CA11: variants seen among roughly 807,000 people sequenced by gnomAD.
CA11 encodes carbonic anhydrase-related protein 11.
Under a neutral mutation model 39.3 loss-of-function variants are expected in CA11, and 20 were observed. The ratio of observed to expected loss-of-function variants is 0.51; its 90% confidence interval spans 0.36 to 0.74. The LOEUF is 0.74. CA11 is among the 30% of genes least tolerant of loss of function. The pLI is 0.00. For missense variants in CA11, 336 were observed against 424.6 expected (o/e 0.79, Z 1.83); for synonymous variants, 166 against 172.5 (o/e 0.96, Z 0.29).
At position 48,639,474 on chromosome 19, in the gene CA11, G is replaced by A. The variant is rs1379566214; in HGVS notation, c.641-15C>T. ...GTAGGCATCATCTGCGGGAATATCAGGCCAGAGTAAAGAGGGATGGCACTC... is the reference window on the plus strand; with the variant it reads ...GTAGGCATCATCTGCGGGAATATCAAGCCAGAGTAAAGAGGGATGGCACTC... On this transcript the variant is annotated splice_polypyrimidine_tract_variant and intron_variant, in intron 6 of 8. Coordinates refer to ENST00000084798, the MANE Select transcript of CA11 (RefSeq NM_001217.5). 18 of 1,613,988 alleles carry A rather than the reference G, an allele frequency of 1.1e-5. No homozygotes were observed. The highest frequency in any genetic ancestry group is 2.2e-5 in the South Asian group (2 of 91,084).
At chr19:48,638,258 G>C (rs1568441970) in intron 8 of CA11, 114 bp from the exon 9 acceptor site, 11 of 1,191,308 alleles carry the variant, frequency 9.2e-6, no homozygotes, top group African/African-American at 3.2e-5. Context: ...GTCTGCGAGC[G>C]GGGAACCAGA....
In CA11 at chr19:48,640,275, C is replaced by T. The variant is rs1339143948; in HGVS notation, c.291G>A (p.Arg97=). 6.2e-7 allele frequency: 1 copy of T among 1,613,428 alleles called. No homozygotes were observed. The highest frequency in any genetic ancestry group is 1.7e-5 in the Admixed American group (1 of 59,958). ...GTCGGCCGGTGTTGTACAAGGTTCC[C>T]CGGAGCTGTGGGAGAGGCGGGAGCT... ...LRLSTGGEKL[R]GTLYNTGRHV... The change falls in exon 4 of 9, where the codon CGG becomes CGA. Residue 97 remains arginine, a synonymous_variant. Transcript: ENST00000084798.
rs766615668 is a variant in CA11, at chr19:48,645,635, C to G, written c.-3G>C. 15 of 1,579,174 alleles carry G rather than the reference C, an allele frequency of 9.5e-6. No individual in the cohort carries two copies. Among genetic ancestry groups the G allele is most frequent in the Non-Finnish European group, 1.3e-5 (15 of 1,163,752 alleles). Reference sequence around the variant, plus strand: ...CTCAGACGAGCTGCAGCCCCCATCCCCAGGAGGCCTCCGAGGGACCCCTGC... The same window carrying G: ...CTCAGACGAGCTGCAGCCCCCATCCGCAGGAGGCCTCCGAGGGACCCCTGC... On this transcript the variant is annotated 5_prime_UTR_variant, in exon 1 of 9. Transcript: ENST00000084798.
At chr19:48,638,750 A>G (rs1191431940) in intron 8 of CA11, 138 bp downstream of exon 8, 1 of 949,464 alleles carries the variant, frequency 1.1e-6, no homozygotes, top group East Asian at 2.7e-5. Flanking sequence ...AGGGAAAGAG[A>G]GAAAAAGAGA....
intron 8 of CA11, among the ~76,000 whole-genome samples, chr19:48,638,652 C>T (rs1003526314): frequency 8.6e-5 from 13 of 151,934 alleles, no homozygotes; most frequent in African/African-American, 2.9e-4. Context: ...GGGTTATAGA[C>T]CAAGTTACAA....
chr19:48,644,653 G>A (rs2031192562), intron 2 of CA11, 84 bp from the exon 3 acceptor site: 3 of 1,202,416 alleles, frequency 2.5e-6, no homozygotes, highest in Non-Finnish European at 3.3e-6. Context: ...GTGGGCTGTG[G>A]TCTGGACTCC....
chr19:48,638,065 C>G lies in CA11; in HGVS notation c.*54G>C, dbSNP rs2030894951. The G allele has an allele frequency of 7.3e-7, 1 of 1,374,840 alleles. No individual in the cohort carries two copies. The highest frequency in any genetic ancestry group is 3.1e-5 in the Admixed American group (1 of 32,202). The allele number at this position is 1,374,840 out of a possible 1,614,324, so 85.2% of individuals were successfully genotyped here. A position where few individuals can be genotyped will look rare whatever the true frequency, so the allele number is the denominator to read the frequency against. On this transcript the variant is annotated 3_prime_UTR_variant, in exon 9 of 9. Transcript: ENST00000084798. ...ATAGCTTTGTTTTAGGGGTAACTCC[C>G]CTCGCCTTGTGGGGAGGCTTAGGAC...
chr19:48,643,370 C>T lies in CA11; in HGVS notation c.285+1057G>A, dbSNP rs1032555311. ...GATTACAGGCACATGCCACCACACC[C>T]GGCTAATTTTTGTATTTTTAGTAGA... On this transcript the variant is annotated intron_variant, in intron 3 of 8. Coordinates refer to ENST00000084798, the MANE Select transcript of CA11 (RefSeq NM_001217.5). This position sits in a 1 kb window ranked among gnomAD's most constrained non-coding sequence, Gnocchi z 4.3. 1.3e-5 allele frequency among the ~76,000 whole-genome samples: 2 copies of T among 152,100 alleles called. No homozygotes were observed. Among genetic ancestry groups the T allele is most frequent in the African/African-American group, 2.4e-5 (1 of 41,428 alleles).
At chr19:48,641,460 G>T (rs1461586421) in intron 3 of CA11, among the ~76,000 whole-genome samples, 1 of 152,058 alleles carries the variant, frequency 6.6e-6, no homozygotes, top group African/African-American at 2.4e-5. Context: ...AAAAGTCCTG[G>T]GCCTTATGGA....
intron 3 of CA11, 87 bp from the exon 4 acceptor site, chr19:48,640,367 CTT>C (rs11372081): frequency 0.066 from 20,460 of 309,014 alleles, no homozygotes; most frequent in Middle Eastern, 0.1. Flanking sequence ...TTCCAACAGT[CTT>C]TTTTTTTTTT....
At position 48,646,131 on chromosome 19, in the gene CA11, T is replaced by C; in HGVS notation, c.-499A>G. On this transcript the variant is annotated 5_prime_UTR_variant, in exon 1 of 9. Transcript: ENST00000084798. ...TCAGTGTCGGCCTCCAGCTTCGTGC[T>C]CTCCCCACCTCCTCCTCTCCTGCCT... 1 of 247,518 alleles carries C rather than the reference T, an allele frequency of 4.0e-6. No individual in the cohort carries two copies. The highest frequency in any genetic ancestry group is 1.5e-4 in the South Asian group (1 of 6,530). 15.3% of individuals were successfully genotyped at this position (247,518 alleles called of 1,614,324 possible). A position where few individuals can be genotyped will look rare whatever the true frequency, so the allele number is the denominator to read the frequency against.
chr19:48,640,330 C>T (rs763550470), intron 3 of CA11, 50 bp from the exon 4 acceptor site: 1 of 1,245,002 alleles, frequency 8.0e-7, no homozygotes, highest in East Asian at 2.5e-5. Flanking sequence ...TCTTTTATCT[C>T]TCGTTTCCCA....
In CA11 at chr19:48,643,630, C is replaced by CAA. The variant is rs1169751929; in HGVS notation, c.285+795_285+796dup. 2.3e-4 allele frequency among the ~76,000 whole-genome samples: 25 copies of CAA among 109,428 alleles called. No homozygotes were observed. Among genetic ancestry groups the CAA allele is most frequent in the South Asian group, 1.7e-3 (6 of 3,530 alleles). 71.8% of individuals were successfully genotyped at this position (109,428 alleles called of 152,430 possible). On this transcript the variant is annotated intron_variant, in intron 3 of 8. Coordinates refer to ENST00000084798, the MANE Select transcript of CA11 (RefSeq NM_001217.5). This position sits in a 1 kb window ranked among gnomAD's most constrained non-coding sequence, Gnocchi z 4.3. Reference sequence around the variant, plus strand: ...GGGTCACAGAGTGAGATCCCAATTCCAAAAAAAAAAAAAAAAAGTATGGTT... The same window carrying CAA: ...GGGTCACAGAGTGAGATCCCAATTCCAAAAAAAAAAAAAAAAAAAGTATGGTT...
chr19:48,638,252 G>C (rs2030910405), intron 8 of CA11, 108 bp from the exon 9 acceptor site: 1 of 1,196,104 alleles, frequency 8.4e-7, no homozygotes, highest in African/African-American at 1.6e-5. Flanking sequence ...TCGGAAGTCT[G>C]CGAGCGGGGA....
chr19:48,641,716 C>T (rs2147720324), intron 3 of CA11, among the ~76,000 whole-genome samples: 1 of 152,166 alleles, frequency 6.6e-6, no homozygotes, highest in Non-Finnish European at 1.5e-5. Context: ...GCCATCACAG[C>T]TCACTGCAGC....
chr19:48,638,432 TG>T, intron 8 of CA11: 1 of 999,846 alleles, frequency 1.0e-6, no homozygotes, highest in Non-Finnish European at 1.2e-6. Context: ...GTGAGATTCC[TG>T]GGCTAAACCA....
At chr19:48,639,094 A>G (rs2030969036) in intron 7 of CA11, 41 bp from the exon 8 acceptor site, 11 of 1,611,112 alleles carry the variant, frequency 6.8e-6, no homozygotes, top group Non-Finnish European at 9.3e-6. Context: ...GTGAATAGTG[A>G]ATGGTCTTGG....
At chr19:48,638,484 A>G in intron 8 of CA11, 1 of 424,440 alleles carries the variant, frequency 2.4e-6, no homozygotes, top group East Asian at 6.4e-5. Flanking sequence ...TACCTTGTAG[A>G]TTCTCAGTAA....
rs751490987 is a variant in CA11 at position 48,638,123 on chromosome 19, C to G, written c.983G>C (p.Arg328Pro). Residue 328 changes from arginine (R) to proline (P), a missense_variant, in exon 9 of 9, where the codon CGC (arginine) becomes CCC (proline). Coordinates refer to ENST00000084798, the MANE Select transcript of CA11 (RefSeq NM_001217.5). ...TGCAATCCTCGAAGGGGAGTCTCAG[C>G]GACCATGGGGGACACCATCCACTGT... Reference protein sequence around the residue: ...RLHVDGVPHGR With the variant: ...RLHVDGVPHGP 5.7e-5 allele frequency: 80 copies of G among 1,400,540 alleles called. No homozygotes were observed. The highest frequency in any genetic ancestry group is 3.8e-4 in the Middle Eastern group (2 of 5,258). The allele number at this position is 1,400,540 out of a possible 1,614,324, so 86.8% of individuals were successfully genotyped here. A position where few individuals can be genotyped will look rare whatever the true frequency, so the allele number is the denominator to read the frequency against.
Sources: allele counts gnomAD v4.1 joint callset (sites outside exome capture counted in the v4.1 genomes callset), GRCh38; gene constraint gnomAD v4.1.1; non-coding constraint Gnocchi (gnomAD v3.1); transcripts MANE v1.5; gene names NCBI Gene and HGNC (gene_info 2026-07-23, HGNC 2026-07-21).